Variants in NCF2 observed in about 807,000 individuals in gnomAD.
NCF2 encodes neutrophil cytosolic factor 2, also known as neutrophil cytosol factor 2.
Under a neutral mutation model 70.9 loss-of-function variants are expected in NCF2, and 45 were observed. The observed-to-expected ratio is 0.63, with a 90% CI of 0.50 to 0.81. The LOEUF (loss-of-function observed/expected upper bound fraction) is 0.81. Ranked by LOEUF, NCF2 falls within the 40% of genes least tolerant of loss-of-function variation. The probability of loss-of-function intolerance (pLI) is 0.00; values close to 1 mark genes in which losing one functional copy is unlikely to be tolerated. For missense variants in NCF2, 522 were observed against 631.6 expected (o/e 0.83, Z 1.86); for synonymous variants, 203 against 233.6 (o/e 0.87, Z 1.19).
chr1:183,577,492 C>T (rs1209374809), intron 3 of NCF2, 107 bp downstream of exon 3: 1 of 926,746 alleles, frequency 1.1e-6, no homozygotes, highest in Non-Finnish European at 1.8e-6. Context: ...GGCAAAATGG[C>T]TTTTCCAAGC....
At chr1:183,557,021 T>C (rs1671818087) in intron 14 of NCF2, among the ~76,000 whole-genome samples, 1 of 152,234 alleles carries the variant, frequency 6.6e-6, no homozygotes, top group South Asian at 2.1e-4. Context: ...TTGTTAAATA[T>C]AAATATTTTA....
intron 3 of NCF2, among the ~76,000 whole-genome samples, chr1:183,577,266 C>G (rs1558100761): frequency 6.6e-6 from 1 of 152,320 alleles, no homozygotes; most frequent in East Asian, 1.9e-4. Context: ...AAGTGCCAAT[C>G]AAAACATGCA....
chr1:183,591,159 C>T (rs1673625522), upstream of NCF2, among the ~76,000 whole-genome samples: 1 of 152,198 alleles, frequency 6.6e-6, no homozygotes, highest in Non-Finnish European at 1.5e-5. Context: ...CCACCCAGGC[C>T]GAGTGGGCAG....
At chr1:183,579,726 G>C (rs1255953679) in intron 2 of NCF2, among the ~76,000 whole-genome samples, 1 of 110,746 alleles carries the variant, frequency 9.0e-6, no homozygotes, top group Non-Finnish European at 1.7e-5. Flanking sequence ...GTGACAGAGT[G>C]AGACTCTGTC....
At position 183,586,211 on chromosome 1, in the gene NCF2, G is replaced by A. The variant is rs539572768; in HGVS notation, c.257+684C>T. On this transcript the variant is annotated intron_variant, in intron 2 of 14. Transcript: ENST00000367535. ...TAGCTGGGTGTGGTGGCGCATGCCT[G>A]TAGTCCCAGCTACTCGGGAGGGTAA... 6.0e-4 allele frequency among the ~76,000 whole-genome samples: 92 copies of A among 152,336 alleles called. 3 individuals are homozygous for A. In the South Asian group the frequency reaches 0.017, roughly 28 times the overall value.
chr1:183,563,529 C>T lies in NCF2; in HGVS notation c.1083G>A (p.Thr361=), dbSNP rs756157300. ...GCCCGGGCTGAGTCTTCATGACTAC[C>T]GTGTACTTGTAGTGCACCTTGAGTG... ...PYTLKVHYKY[T]VVMKTQPGLP... is the part of the protein sequence containing the mutation. The change falls in exon 12 of 15, where the codon ACG becomes ACA. Residue 361 remains threonine (T), a synonymous_variant. Coordinates refer to ENST00000367535, the MANE Select transcript of NCF2 (RefSeq NM_000433.4). The T allele has an allele frequency of 1.8e-5, 29 of 1,613,942 alleles. No homozygotes were observed. The highest frequency in any genetic ancestry group is 3.3e-4 in the Middle Eastern group (2 of 6,044).
intron 14 of NCF2, among the ~76,000 whole-genome samples, chr1:183,557,911 G>A (rs968624047): frequency 6.6e-6 from 1 of 151,800 alleles, no homozygotes; most frequent in African/African-American, 2.4e-5. Flanking sequence ...ATCTCACTCT[G>A]TTGCCCAGAC....
At chr1:183,572,026 C>T (rs1022699833) in intron 5 of NCF2, among the ~76,000 whole-genome samples, 5 of 152,332 alleles carry the variant, frequency 3.3e-5, no homozygotes, top group Admixed American at 1.3e-4. Flanking sequence ...GGCTTCCACT[C>T]ACCCAGGCTT....
rs749065525 is a variant in NCF2, at chr1:183,560,187, G to A, written c.1377C>T (p.Gly459=). 2.5e-6 allele frequency: 4 copies of A among 1,614,130 alleles called. No homozygotes were observed. In the South Asian group the frequency reaches 4.4e-5, roughly 18 times the overall value. Residue 459 remains glycine (G), a synonymous_variant, in exon 14 of 15, where the codon GGC becomes GGT. Coordinates refer to ENST00000367535, the MANE Select transcript of NCF2 (RefSeq NM_000433.4). The part of the protein sequence containing the change: ...NQTTEPQLKK[G]SQVEALFSYE... Reference sequence around the variant, plus strand: ...AACTGAAGAGTGCCTCCACTTGGCTGCCTTTCTTAAGCTGAGGTTCTGTTG... The same window carrying A: ...AACTGAAGAGTGCCTCCACTTGGCTACCTTTCTTAAGCTGAGGTTCTGTTG...
chr1:183,584,221 G>A (rs935246179), intron 2 of NCF2, among the ~76,000 whole-genome samples: 7 of 152,188 alleles, frequency 4.6e-5, no homozygotes, highest in African/African-American at 7.2e-5. Context: ...GTACATAAAC[G>A]AATGTGTGTG....
In NCF2 at chr1:183,563,592, G is replaced by A. The variant is rs769211195; in HGVS notation, c.1027-7C>T. 1.2e-6 allele frequency: 2 copies of A among 1,612,926 alleles called. No homozygotes were observed. Among genetic ancestry groups the A allele is most frequent in the Admixed American group, 3.3e-5 (2 of 59,990 alleles). The stretch of plus-strand genomic sequence containing the variant: ...GAACACTGAGCTTCACTTCCTGAGT[G>A]GGGAGGAAACAAAGGGAACTCCTGA... On this transcript the variant is annotated splice_region_variant and splice_polypyrimidine_tract_variant and intron_variant, in intron 11 of 14. Coordinates refer to ENST00000367535, the MANE Select transcript of NCF2 (RefSeq NM_000433.4).
chr1:183,590,516 C>T (rs550773018), upstream of NCF2: 9 of 697,254 alleles, frequency 1.3e-5, no homozygotes, highest in African/African-American at 1.6e-4. Context: ...CAGGAAATGT[C>T]CCCACCTTTT....
chr1:183,593,034 C>T (rs1673715559), upstream of NCF2, among the ~76,000 whole-genome samples: 2 of 152,232 alleles, frequency 1.3e-5, no homozygotes, highest in African/African-American at 4.8e-5. Context: ...CCTGAAAGCG[C>T]TCAAACCCAT....
intron 2 of NCF2, among the ~76,000 whole-genome samples, chr1:183,581,461 C>T (rs1392453815): frequency 6.6e-6 from 1 of 151,156 alleles, no homozygotes; most frequent in Non-Finnish European, 1.5e-5. Context: ...TAGTGAGACC[C>T]CTTCTCTAAA....
chr1:183,590,469 C>G, upstream of NCF2: 1 of 892,368 alleles, frequency 1.1e-6, no homozygotes, highest in Non-Finnish European at 1.8e-6. Context: ...TGGGGCCCAG[C>G]CTCCCTTAAG....
intron 6 of NCF2, 100 bp from the exon 7 acceptor site, chr1:183,569,285 C>T (rs1430170467): frequency 2.7e-6 from 3 of 1,126,072 alleles, no homozygotes; most frequent in Non-Finnish European, 4.1e-6. Flanking sequence ...TCTTCCAGAC[C>T]AGAAAATCAA....
intron 8 of NCF2, 70 bp downstream of exon 8, chr1:183,567,134 T>C: frequency 6.2e-7 from 1 of 1,610,726 alleles, no homozygotes; most frequent in Non-Finnish European, 8.5e-7. Flanking sequence ...CAGCAGATAC[T>C]GCTCCACAGA....
chr1:183,576,518 C>T (rs894739027), intron 3 of NCF2, among the ~76,000 whole-genome samples: 3 of 152,176 alleles, frequency 2.0e-5, no homozygotes, highest in Admixed American at 6.5e-5. Flanking sequence ...AAAGTTCCCA[C>T]GATGCGCAGG....
Position 183,577,513 on chromosome 1 carries a change from G to C in NCF2, c.366+86C>G, listed in dbSNP as rs1275882952. 4.5e-6 allele frequency: 5 copies of C among 1,115,702 alleles called. No homozygotes were observed. In the South Asian group the frequency reaches 6.2e-5, roughly 14 times the overall value. The allele number at this position is 1,115,702 out of a possible 1,614,324, so 69.1% of individuals were successfully genotyped here. ...ATGGCTTTTCCAAGCTCCTGGAGGT[G>C]TCAACAGATCACTGTGCATCTGAAC... On this transcript the variant is annotated intron_variant, in intron 3 of 14. Coordinates refer to ENST00000367535, the MANE Select transcript of NCF2 (RefSeq NM_000433.4).
Sources: allele counts gnomAD v4.1 joint callset (sites outside exome capture counted in the v4.1 genomes callset), GRCh38; gene constraint gnomAD v4.1.1; transcripts MANE v1.5; gene names NCBI Gene and HGNC (gene_info 2026-07-23, HGNC 2026-07-21).